The following ZFC3H1 variants were observed in gnomAD, a reference collection of about 807,000 sequenced individuals.
ZFC3H1 encodes the protein zinc finger C3H1-type containing, also known as zinc finger C3H1 domain-containing protein.
Under a neutral mutation model 243.7 loss-of-function variants are expected in ZFC3H1, and 71 were observed. That is an observed-to-expected ratio of 0.29 (90% CI 0.24 to 0.36). The LOEUF is 0.36. Among genes scored for constraint, ZFC3H1 ranks in the 10% least tolerant of loss-of-function variants. The pLI is 1.00. For missense variants in ZFC3H1, 1,966 were observed against 2,317.1 expected, an observed-to-expected ratio of 0.85 and a Z score of 3.11; for synonymous variants, 838 against 813.0, an observed-to-expected ratio of 1.03 and a Z score of -0.52.
At position 71,628,943 on chromosome 12, in the gene ZFC3H1, T is replaced by C. The variant is rs764493745; in HGVS notation, c.3921A>G (p.Glu1307=). 4 of 1,610,796 alleles carry C rather than the reference T, an allele frequency of 2.5e-6. No individual in the cohort carries two copies. In the South Asian group the frequency reaches 3.3e-5, roughly 13 times the overall value. ...ISDNSFSSDE[E]QSTGPIKYAF... is the part of the protein sequence containing the mutation. ...CATACTTAATTGGTCCTGTAGACTG[T>C]TCCTCATCACTACTGAAGCTATTAT... is the stretch of plus-strand genomic sequence containing the variant. Residue 1307 remains glutamate (E), a synonymous_variant, in exon 20 of 35, where the codon GAA becomes GAG. Coordinates refer to ENST00000378743, the MANE Select transcript of ZFC3H1 (RefSeq NM_144982.5).
At position 71,663,829 on chromosome 12, in the gene ZFC3H1, T is replaced by C. The variant is rs893443487; in HGVS notation, c.-219A>G. On this transcript the variant is annotated 5_prime_UTR_variant, in exon 1 of 35. Transcript: ENST00000378743. ...GTTCCCTTTCCTAGCGCCCCCTTGCTCCTCAGCGATCGGGGTTCTTCCGCC... is the reference window on the plus strand; with the variant it reads ...GTTCCCTTTCCTAGCGCCCCCTTGCCCCTCAGCGATCGGGGTTCTTCCGCC... 3 of 585,578 alleles carry C rather than the reference T, an allele frequency of 5.1e-6. No homozygotes were observed. The highest frequency in any genetic ancestry group is 2.9e-5 in the East Asian group (1 of 34,864). The allele number at this position is 585,578 out of a possible 1,614,324, so 36.3% of individuals were successfully genotyped here.
chr12:71,643,043 C>T (rs1316462009), intron 5 of ZFC3H1, among the ~76,000 whole-genome samples: 1 of 152,096 alleles, frequency 6.6e-6, no homozygotes, highest in East Asian at 1.9e-4. Flanking sequence ...ATGTTGTTTT[C>T]TTGTCTACTT....
chr12:71,658,162 A>G (rs1010051233), intron 1 of ZFC3H1, among the ~76,000 whole-genome samples: 5 of 152,142 alleles, frequency 3.3e-5, no homozygotes, highest in Admixed American at 1.3e-4. Context: ...ACAAAATTTC[A>G]AACTACAATT....
At chr12:71,623,676 G>A in intron 23 of ZFC3H1, 79 bp from the exon 24 acceptor site, 2 of 996,706 alleles carry the variant, frequency 2.0e-6, no homozygotes, top group Non-Finnish European at 2.9e-6. Flanking sequence ...CTATGCTAAA[G>A]TTTATGAAAT....
At chr12:71,651,803 C>T (rs1323230122) in intron 2 of ZFC3H1, among the ~76,000 whole-genome samples, 1 of 152,100 alleles carries the variant, frequency 6.6e-6, no homozygotes, top group Non-Finnish European at 1.5e-5. Flanking sequence ...ATTAAGAACA[C>T]CCTAAGGAGA....
chr12:71,635,974 T>G (rs1416843021), intron 9 of ZFC3H1, among the ~76,000 whole-genome samples: 1 of 152,202 alleles, frequency 6.6e-6, no homozygotes, highest in Non-Finnish European at 1.5e-5. Context: ...ACAGGAAAGA[T>G]TTCAACTTGT....
intron 1 of ZFC3H1, 148 bp downstream of exon 1, chr12:71,662,865 A>C: frequency 1.2e-6 from 1 of 816,238 alleles, no homozygotes; most frequent in Middle Eastern, 3.0e-4. Context: ...CACATGGGGA[A>C]TTACCAAAGA....
At chr12:71,619,291 CA>C (rs1303848777) in intron 27 of ZFC3H1, 23 bp downstream of exon 27, 1 of 1,604,372 alleles carries the variant, frequency 6.2e-7, no homozygotes, top group African/African-American at 1.3e-5. Context: ...CATTCCTCTA[CA>C]AACTAAGAAT....
At chr12:71,630,377 G>A (rs1459179117) in intron 18 of ZFC3H1, among the ~76,000 whole-genome samples, 1 of 152,174 alleles carries the variant, frequency 6.6e-6, no homozygotes, top group Admixed American at 6.5e-5. Flanking sequence ...CTACTGGCAT[G>A]CACTTGCCAC....
chr12:71,618,259 C>T (rs1304898010), intron 27 of ZFC3H1, among the ~76,000 whole-genome samples: 3 of 150,350 alleles, frequency 2.0e-5, no homozygotes, highest in Non-Finnish European at 4.4e-5. Flanking sequence ...AGCAAGATTC[C>T]GTTCTCTTAA....
chr12:71,626,299 T>C lies in ZFC3H1; in HGVS notation c.4278A>G (p.Thr1426=), dbSNP rs369816165. Residue 1426 remains threonine, a synonymous_variant, in exon 22 of 35, where the codon ACA becomes ACG. Transcript: ENST00000378743. Reference sequence around the variant, plus strand: ...GATAATCTGGAGCATATTCAACAGCTGTTTCACACATTTCCTGCACCTCGT... The same window carrying C: ...GATAATCTGGAGCATATTCAACAGCCGTTTCACACATTTCCTGCACCTCGT... ...TKDEVQEMCE[T]AVEYAPDYQS... is the part of the protein sequence containing the mutation. The C allele has an allele frequency of 6.2e-7, 1 of 1,614,038 alleles. No individual in the cohort carries two copies. The highest frequency in any genetic ancestry group is 1.3e-5 in the African/African-American group (1 of 75,024).
Position 71,632,496 on chromosome 12 carries a change from G to C in ZFC3H1, c.2836C>G (p.Leu946Val). The C allele has an allele frequency of 6.4e-7, 1 of 1,562,904 alleles. No homozygotes were observed. Among genetic ancestry groups the C allele is most frequent in the South Asian group, 1.2e-5 (1 of 84,494 alleles). Reference protein sequence around the residue: ...DRFGPNKMMRLDSSPVSSPRK... With the variant: ...DRFGPNKMMRVDSSPVSSPRK... ...GGACTTGATACTGGAGAACTGTCCA[G>C]TCTCATCATTTTGTTTGGCTAAGGG... The change falls in exon 15 of 35, where the codon CTG becomes GTG. Residue 946 changes from leucine to valine, a missense_variant. Transcript: ENST00000378743.
rs760080438 is a variant in ZFC3H1, at chr12:71,610,452, G to C, written c.5946C>G (p.Asn1982Lys). The C allele has an allele frequency of 7.4e-6, 12 of 1,613,190 alleles. No homozygotes were observed. Among genetic ancestry groups the C allele is most frequent in the Middle Eastern group, 1.6e-4 (1 of 6,078 alleles). ...TTCAGTGATTCTTGCTTTCTGTTTT[G>C]TTACTGTTTAAATTTAAGAGCTCAT... ...SLNELLNLNSNKTESKNH is the reference protein window; with the variant it reads ...SLNELLNLNSKKTESKNH The change falls in exon 35 of 35, where the codon AAC becomes AAG. Residue 1982 changes from asparagine to lysine, a missense_variant. Coordinates refer to ENST00000378743, the MANE Select transcript of ZFC3H1 (RefSeq NM_144982.5).
Position 71,636,976 on chromosome 12 carries a change from AGGTGGTAAT to A in ZFC3H1, c.1800_1808del (p.Leu604_Pro606del), listed in dbSNP as rs1351539168. ...GCTGTTCTGGATCTTCAGGTGGGAG[AGGTGGTAAT>A]GGTGGTAGAGGAGGTAGAGGTTCAA... On this transcript the variant is annotated inframe_deletion, in exon 8 of 35. Transcript: ENST00000378743. 5 of 1,613,950 alleles carry A rather than the reference AGGTGGTAAT, an allele frequency of 3.1e-6. No individual in the cohort carries two copies. Among genetic ancestry groups the A allele is most frequent in the Non-Finnish European group, 3.4e-6 (4 of 1,179,934 alleles).
Position 71,642,342 on chromosome 12 carries a change from C to G in ZFC3H1, c.1627+94G>C, listed in dbSNP as rs534425110. ...ACAGTTCATCAGCAAATCTCACTTT[C>G]ATTACACATTTCTTTAAAGGTTTTG... On this transcript the variant is annotated intron_variant, in intron 6 of 34. Coordinates refer to ENST00000378743, the MANE Select transcript of ZFC3H1 (RefSeq NM_144982.5). 2.2e-6 allele frequency: 3 copies of G among 1,375,270 alleles called. No homozygotes were observed. In the African/African-American group the frequency reaches 4.3e-5, roughly 20 times the overall value. The allele number at this position is 1,375,270 out of a possible 1,614,324, so 85.2% of individuals were successfully genotyped here.
intron 2 of ZFC3H1, among the ~76,000 whole-genome samples, chr12:71,655,662 GAA>G (rs1362768465): frequency 1.3e-5 from 2 of 152,024 alleles, no homozygotes; most frequent in Non-Finnish European, 1.5e-5. Flanking sequence ...AACTTTCTCA[GAA>G]AAAAACTCCA....
At chr12:71,644,766 A>G (rs1309089052) in intron 4 of ZFC3H1, 111 bp downstream of exon 4, 1 of 1,266,102 alleles carries the variant, frequency 7.9e-7, no homozygotes, top group African/African-American at 1.5e-5. Flanking sequence ...TGCAGTAAGC[A>G]AAGATCATGC....
Position 71,610,273 on chromosome 12 carries a change from G to T in ZFC3H1, c.*155C>A. 2 of 875,354 alleles carry T rather than the reference G, an allele frequency of 2.3e-6. No homozygotes were observed. Among genetic ancestry groups the T allele is most frequent in the Non-Finnish European group, 3.4e-6 (2 of 588,888 alleles). 54.2% of individuals were successfully genotyped at this position (875,354 alleles called of 1,614,324 possible). ...GAAGAGGATCATGTTCATTGCTTCC[G>T]GTTTTGAGGACAGGATATTGTAGGG... is the stretch of plus-strand genomic sequence containing the variant. On this transcript the variant is annotated 3_prime_UTR_variant, in exon 35 of 35. Transcript: ENST00000378743.
rs2037511164 is a variant in ZFC3H1, at chr12:71,611,886, A to C, written c.5629T>G (p.Leu1877Val). ...CTTTCTTCCCATTCATGTTGAAGTA[A>C]CCTGTAAAGTACATTCAGGAAAATG... is the stretch of plus-strand genomic sequence containing the variant. ...MPANSGLALRLLQHEWEESNV... is the reference protein window; with the variant it reads ...MPANSGLALRVLQHEWEESNV... Residue 1877 changes from leucine to valine, a missense_variant and splice_region_variant, in exon 32 of 35, where the codon TTA becomes GTA. Around this residue, in one of 4 missense-constraint regions of ZFC3H1, gnomAD observed 1,383 missense variants for 1,723.7 expected, o/e 0.80. Coordinates refer to ENST00000378743, the MANE Select transcript of ZFC3H1 (RefSeq NM_144982.5). The C allele has an allele frequency of 1.3e-6, 2 of 1,590,510 alleles. No individual in the cohort carries two copies. Among genetic ancestry groups the C allele is most frequent in the Non-Finnish European group, 1.7e-6 (2 of 1,164,948 alleles).
Sources: allele counts gnomAD v4.1 joint callset (sites outside exome capture counted in the v4.1 genomes callset), GRCh38; gene constraint gnomAD v4.1.1; regional missense constraint gnomAD v4.1.1; transcripts MANE v1.5; gene names NCBI Gene and HGNC (gene_info 2026-07-23, HGNC 2026-07-21).